Variants in TSPAN16 observed in about 807,000 individuals in gnomAD.
The protein encoded by TSPAN16 is tetraspanin-16.
A neutral mutation model predicts 25.2 loss-of-function variants in TSPAN16; 23 were observed. That is an observed-to-expected ratio of 0.91 (90% confidence interval 0.66 to 1.29). The LOEUF is 1.29. Among genes scored for constraint, TSPAN16 ranks in the 50% most tolerant of loss-of-function variants. TSPAN16 has a pLI of 0.00. For missense variants in TSPAN16, 272 were observed against 299.9 expected, an observed-to-expected ratio of 0.91 and a Z score of 0.69; for synonymous variants, 123 against 124.4, an observed-to-expected ratio of 0.99 and a Z score of 0.08.
chr19:11,298,559 C>T (rs1024667778), intron 2 of TSPAN16, among the ~76,000 whole-genome samples: 3 of 152,048 alleles, frequency 2.0e-5, no homozygotes, highest in Admixed American at 6.6e-5. Context: ...CTCAGCCTCC[C>T]GAGTAGCTGG....
downstream of TSPAN16, among the ~76,000 whole-genome samples, chr19:11,319,514 G>T (rs1016490320): frequency 1.5e-4 from 23 of 152,086 alleles, no homozygotes; most frequent in Admixed American, 8.5e-4. Context: ...CAGAAGAATC[G>T]CTTGAACCGG....
chr19:11,302,494 A>G (rs913003514), intron 4 of TSPAN16, among the ~76,000 whole-genome samples: 1 of 128,810 alleles, frequency 7.8e-6, no homozygotes, highest in African/African-American at 3.1e-5. Context: ...ATGCCACTGC[A>G]TTGCAGCCTG....
intron 5 of TSPAN16, among the ~76,000 whole-genome samples, chr19:11,308,321 C>T (rs1315913454): frequency 6.6e-6 from 1 of 151,896 alleles, no homozygotes; most frequent in African/African-American, 2.4e-5. Flanking sequence ...TTTTTTGAGA[C>T]GGAGTCTTGC....
At chr19:11,320,449 G>A (rs964822095), downstream of TSPAN16, among the ~76,000 whole-genome samples, 5 of 152,110 alleles carry the variant, frequency 3.3e-5, no homozygotes, top group Non-Finnish European at 7.4e-5. Flanking sequence ...AGGCCAAGGC[G>A]GGAGCATGGC....
intron 5 of TSPAN16, among the ~76,000 whole-genome samples, chr19:11,308,716 G>A (rs549279476): frequency 5.3e-5 from 8 of 151,368 alleles, no homozygotes; most frequent in South Asian, 4.2e-4. Context: ...CTCATGATCC[G>A]CCCGCCTCGG....
intron 4 of TSPAN16, among the ~76,000 whole-genome samples, chr19:11,303,183 T>G (rs866770152): frequency 2.4e-4 from 35 of 147,212 alleles, no homozygotes; most frequent in African/African-American, 9.1e-4. Flanking sequence ...GAAGTAGACA[T>G]GGGAGACTTT....
Position 11,296,338 on chromosome 19 carries a change from T to C in TSPAN16, c.41T>C (p.Leu14Pro), listed in dbSNP as rs770968243. ...IHTPYSSLKK[L>P]LSLLNGFVAV... ...ACTCCGTATTCTTCCTTGAAGAAACTGTTATCTTTACTCAATGGCTTCGTG... is the reference window on the plus strand; with the variant it reads ...ACTCCGTATTCTTCCTTGAAGAAACCGTTATCTTTACTCAATGGCTTCGTG... Residue 14 changes from leucine to proline, a missense_variant, in exon 1 of 7, where the codon CTG becomes CCG. Transcript: ENST00000590327. The C allele has an allele frequency of 1.1e-5, 18 of 1,614,084 alleles. No individual in the cohort carries two copies. The Admixed American group carries it at 1.8e-4, about 16-fold the overall frequency.
intron 6 of TSPAN16, chr19:11,321,191 C>A (rs2080777570): frequency 6.6e-6 from 1 of 151,090 alleles, no homozygotes; most frequent in African/African-American, 2.4e-5. Flanking sequence ...CAAAAAAATA[C>A]CCAAAAAAAC....
chr19:11,310,589 ACTTTGC>A (rs1449626162), intron 5 of TSPAN16, among the ~76,000 whole-genome samples: 1 of 151,504 alleles, frequency 6.6e-6, no homozygotes, highest in Non-Finnish European at 1.5e-5. Flanking sequence ...CTGCCAACGC[ACTTTGC>A]CTGGTATCCT....
chr19:11,315,538 A>G (rs2147957647), intron 6 of TSPAN16, among the ~76,000 whole-genome samples: 1 of 151,020 alleles, frequency 6.6e-6, no homozygotes, highest in African/African-American at 2.4e-5. Context: ...CCTGGGCGAC[A>G]GAGGGAGACT....
chr19:11,303,491 T>A (rs1226101737), intron 4 of TSPAN16, among the ~76,000 whole-genome samples: 6 of 133,040 alleles, frequency 4.5e-5, no homozygotes, highest in Non-Finnish European at 7.9e-5. Flanking sequence ...TGACCTTCCC[T>A]CCACTATTGT....
chr19:11,306,968 G>A (rs1001729964), intron 5 of TSPAN16: 31 of 484,400 alleles, frequency 6.4e-5, no homozygotes, highest in Admixed American at 2.5e-4. Flanking sequence ...GGCATGCACC[G>A]CCACACCCGG....
intron 5 of TSPAN16, among the ~76,000 whole-genome samples, chr19:11,308,682 C>T (rs2080656994): frequency 6.6e-6 from 1 of 151,932 alleles, no homozygotes; most frequent in Admixed American, 6.6e-5. Flanking sequence ...ACCGTGTTAG[C>T]CAGGATGGTC....
At chr19:11,320,014 C>T (rs1033017227), downstream of TSPAN16, among the ~76,000 whole-genome samples, 2 of 151,502 alleles carry the variant, frequency 1.3e-5, no homozygotes, top group African/African-American at 2.4e-5. Context: ...GAGACGGGGT[C>T]TTACCGTGTT....
At chr19:11,319,128 C>T (rs1020273535), downstream of TSPAN16, among the ~76,000 whole-genome samples, 6 of 152,200 alleles carry the variant, frequency 3.9e-5, no homozygotes, top group Non-Finnish European at 7.3e-5. Context: ...AACTGAGCTT[C>T]CCTCACTTCA....
downstream of TSPAN16, among the ~76,000 whole-genome samples, chr19:11,317,836 A>G (rs2147959739): frequency 6.6e-6 from 1 of 151,158 alleles, no homozygotes; most frequent in South Asian, 2.1e-4. Flanking sequence ...AAAAAAAAAA[A>G]GTGTGAAATG....
chr19:11,299,904 G>A (rs979857890), intron 3 of TSPAN16, among the ~76,000 whole-genome samples: 69 of 151,496 alleles, frequency 4.6e-4, no homozygotes, highest in African/African-American at 1.6e-3. Context: ...TTGAACCCGG[G>A]AGCCAGAGGT....
At chr19:11,307,026 G>C (rs967292717) in intron 5 of TSPAN16, among the ~76,000 whole-genome samples, 4 of 152,092 alleles carry the variant, frequency 2.6e-5, no homozygotes, top group African/African-American at 9.7e-5. Flanking sequence ...TGTTGGCCAG[G>C]CTGGTCTCGA....
At chr19:11,297,038 C>G (rs1225138337) in intron 1 of TSPAN16, among the ~76,000 whole-genome samples, 1 of 151,868 alleles carries the variant, frequency 6.6e-6, no homozygotes, top group Non-Finnish European at 1.5e-5. Flanking sequence ...GAGACTCTGT[C>G]TCAATAAAAA....
Sources: allele counts gnomAD v4.1 joint callset (sites outside exome capture counted in the v4.1 genomes callset), GRCh38; gene constraint gnomAD v4.1.1; transcripts MANE v1.5; gene names NCBI Gene and HGNC (gene_info 2026-07-23, HGNC 2026-07-21).